Variants in KLHL29 observed in about 807,000 individuals in gnomAD.
The protein encoded by KLHL29 is kelch like family member 29.
KLHL29 carries 21 observed loss-of-function variants against 80.4 expected under a neutral mutation model. The observed-to-expected ratio is 0.26, with a 90% confidence interval of 0.19 to 0.38. The LOEUF is 0.38. Among genes scored for constraint, KLHL29 ranks in the 10% least tolerant of loss-of-function variants. KLHL29 has a pLI of 1.00. For synonymous variants in KLHL29, 511 were observed against 526.8 expected, an observed-to-expected ratio of 0.97 and a Z score of 0.41; for missense variants, 867 against 1,223.9, an observed-to-expected ratio of 0.71 and a Z score of 4.35.
In KLHL29 at chr2:23,703,310, G is replaced by A; in HGVS notation, c.2230G>A (p.Ala744Thr). ...VFGGVNEAGR[A>T]AGVLQSYVPQ... ...TGGTGGGGTGAACGAGGCAGGCCGA[G>A]CTGCCGGCGTCCTCCAGTCTTACGT... The change falls in exon 12 of 14, where the codon GCT becomes ACT. Residue 744 changes from alanine (A) to threonine (T), a missense_variant. Ala to Thr is a moderately conservative substitution (Grantham distance 58, BLOSUM62 0). This residue lies in a region of KLHL29 where 443 missense variants were observed against 767.0 expected (regional missense o/e 0.58). Transcript: ENST00000486442. 6.5e-7 allele frequency: 1 copy of A among 1,547,708 alleles called. No homozygotes were observed. The highest frequency in any genetic ancestry group is 8.7e-7 in the Non-Finnish European group (1 of 1,145,454).
At chr2:23,570,308 C>T (rs1049650264) in intron 3 of KLHL29, among the ~76,000 whole-genome samples, 1 of 152,188 alleles carries the variant, frequency 6.6e-6, no homozygotes, top group African/African-American at 2.4e-5. Context: ...CCTTCTGGCA[C>T]TGTGAAAAGG....
At chr2:23,451,683 C>G (rs1000818522) in intron 1 of KLHL29, among the ~76,000 whole-genome samples, 1 of 152,160 alleles carries the variant, frequency 6.6e-6, no homozygotes, top group East Asian at 1.9e-4. Flanking sequence ...GGATTTTGGA[C>G]GGGCACATTA....
At chr2:23,657,608 A>C (rs146674933) in intron 5 of KLHL29, among the ~76,000 whole-genome samples, 312 of 152,352 alleles carry the variant, frequency 2.0e-3, no homozygotes, top group African/African-American at 5.8e-3. Context: ...TGGAAGGAAG[A>C]TTAACCATGT....
At chr2:23,539,390 T>C (rs1666767577) in intron 2 of KLHL29, among the ~76,000 whole-genome samples, 1 of 150,492 alleles carries the variant, frequency 6.6e-6, no homozygotes, top group Non-Finnish European at 1.5e-5. Flanking sequence ...ACAATAATAA[T>C]CCTAGCAGAC....
chr2:23,545,433 G>A (rs901695882), intron 2 of KLHL29, among the ~76,000 whole-genome samples: 6 of 152,182 alleles, frequency 3.9e-5, no homozygotes, highest in Admixed American at 2.6e-4. Flanking sequence ...TCGGTGCTCC[G>A]TAAATGCTCC....
rs1471760044 is a variant in KLHL29 at position 23,701,807 on chromosome 2, T to C, written c.2106-1379T>C. On this transcript the variant is annotated intron_variant, in intron 11 of 13. Coordinates refer to ENST00000486442, the MANE Select transcript of KLHL29 (RefSeq NM_052920.2). Reference sequence around the variant, plus strand: ...GCTTTTTTTTGCTTTTTTTTTTTTTTTTTTTTTTTTTTCAGACGGAGTTTT... The same window carrying C: ...GCTTTTTTTTGCTTTTTTTTTTTTTCTTTTTTTTTTTTCAGACGGAGTTTT... Among the ~76,000 whole-genome samples the C allele has an allele frequency of 6.3e-5, 9 of 142,560 alleles. 1 individual carries two copies. The highest frequency in any genetic ancestry group is 4.8e-4 in the South Asian group (2 of 4,180). 93.5% of individuals were successfully genotyped at this position (142,560 alleles called of 152,430 possible). A position where few individuals can be genotyped will look rare whatever the true frequency, so the allele number is the denominator to read the frequency against.
intron 5 of KLHL29, among the ~76,000 whole-genome samples, chr2:23,656,972 A>G (rs751256157): frequency 2.0e-3 from 306 of 150,068 alleles, no homozygotes; most frequent in Non-Finnish European, 3.6e-3. Flanking sequence ...ACCATCATCC[A>G]TGCACATTCC....
intron 2 of KLHL29, among the ~76,000 whole-genome samples, chr2:23,479,302 G>A (rs182864388): frequency 7.9e-4 from 120 of 151,932 alleles, no homozygotes; most frequent in African/African-American, 2.6e-3. Flanking sequence ...GCCCTACACA[G>A]GCATCATTTG....
chr2:23,421,524 T>TTGTGTGTGTGTG (rs57348539), intron 1 of KLHL29, among the ~76,000 whole-genome samples: 2 of 143,514 alleles, frequency 1.4e-5, no homozygotes, highest in Admixed American at 1.4e-4. Flanking sequence ...TTAGACAAGA[T>TTGTGTGTGTGTG]TGTGTGTGTG....
At chr2:23,556,594 G>A (rs1572398851) in intron 2 of KLHL29, among the ~76,000 whole-genome samples, 7 of 151,668 alleles carry the variant, frequency 4.6e-5, no homozygotes, top group Admixed American at 2.6e-4. Context: ...TGGAGGTTGC[G>A]GTGAGCTGAG....
At chr2:23,612,881 TATAG>T (rs1162217342) in intron 3 of KLHL29, among the ~76,000 whole-genome samples, 1 of 152,126 alleles carries the variant, frequency 6.6e-6, no homozygotes, top group Non-Finnish European at 1.5e-5. Context: ...AAAATAAGGC[TATAG>T]ATAAATAAAT....
chr2:23,642,441 C>T lies in KLHL29; in HGVS notation c.531C>T (p.Asn177=), dbSNP rs570254134. The T allele has an allele frequency of 6.6e-5, 99 of 1,499,284 alleles. No individual in the cohort carries two copies. In the South Asian group the frequency reaches 1.2e-3, roughly 18 times the overall value. 92.9% of individuals were successfully genotyped at this position (1,499,284 alleles called of 1,614,324 possible). Residue 177 remains asparagine, a synonymous_variant, in exon 5 of 14, where the codon AAC becomes AAT. Coordinates refer to ENST00000486442, the MANE Select transcript of KLHL29 (RefSeq NM_052920.2). The part of the protein sequence containing the change: ...AQPPTFSPAV[N]VQAPVIGVTP... ...CTCCCACCTTCAGCCCGGCTGTGAA[C>T]GTCCAGGCCCCGGTCATTGGGGTGA... is the stretch of plus-strand genomic sequence containing the variant.
intron 1 of KLHL29, among the ~76,000 whole-genome samples, chr2:23,415,883 G>C (rs1460722777): frequency 6.6e-6 from 1 of 151,962 alleles, no homozygotes; most frequent in Admixed American, 6.5e-5. Flanking sequence ...TAATTTTTTT[G>C]TAAAAGATAG....
chr2:23,687,866 T>TG (rs997916198), intron 6 of KLHL29, among the ~76,000 whole-genome samples: 2 of 152,088 alleles, frequency 1.3e-5, no homozygotes, highest in Admixed American at 1.3e-4. Context: ...CACAGGAGCC[T>TG]GGGGGCGTTG....
At chr2:23,687,373 G>C (rs1479396245) in intron 6 of KLHL29, among the ~76,000 whole-genome samples, 1 of 152,204 alleles carries the variant, frequency 6.6e-6, no homozygotes, top group Non-Finnish European at 1.5e-5. Flanking sequence ...TCCAGCCCCA[G>C]GGAGGACAAT....
rs1401044935 is a variant in KLHL29 at position 23,696,896 on chromosome 2, G to A, written c.2105+383G>A. 1 of 180,776 alleles carries A rather than the reference G, an allele frequency of 5.5e-6. No homozygotes were observed. The highest frequency in any genetic ancestry group is 1.2e-5 in the Non-Finnish European group (1 of 86,022). 11.2% of individuals were successfully genotyped at this position (180,776 alleles called of 1,614,324 possible). On this transcript the variant is annotated intron_variant, in intron 11 of 13. Coordinates refer to ENST00000486442, the MANE Select transcript of KLHL29 (RefSeq NM_052920.2). This position sits in a 1 kb window ranked among gnomAD's most constrained non-coding sequence, Gnocchi z 5.5. Reference sequence around the variant, plus strand: ...GAGCACCAGCCCAGAGACTGCTGGGGTTTCGGGCAAAGCTGGAAGCAATGT... The same window carrying A: ...GAGCACCAGCCCAGAGACTGCTGGGATTTCGGGCAAAGCTGGAAGCAATGT...
Position 23,647,749 on chromosome 2 carries a change from A to G in KLHL29, c.940+4899A>G, listed in dbSNP as rs1416028554. ...CTGACTCGGTGCTTGCCACCACTTCATCCTTTGCTGTTCTGCTTGCAGGCT... is the reference window on the plus strand; with the variant it reads ...CTGACTCGGTGCTTGCCACCACTTCGTCCTTTGCTGTTCTGCTTGCAGGCT... On this transcript the variant is annotated intron_variant, in intron 5 of 13. Transcript: ENST00000486442. This position sits in a 1 kb window ranked among gnomAD's most constrained non-coding sequence, Gnocchi z 4.9. Among the ~76,000 whole-genome samples the G allele has an allele frequency of 3.3e-5, 5 of 151,826 alleles. No individual in the cohort carries two copies. Among genetic ancestry groups the G allele is most frequent in the Non-Finnish European group, 7.4e-5 (5 of 67,964 alleles).
At position 23,476,876 on chromosome 2, in the gene KLHL29, C is replaced by G. The variant is rs1664655825; in HGVS notation, c.-46+1209C>G. 3.3e-5 allele frequency among the ~76,000 whole-genome samples: 5 copies of G among 152,236 alleles called. No homozygotes were observed. The South Asian group carries it at 1.0e-3, about 31-fold the overall frequency. On this transcript the variant is annotated intron_variant, in intron 2 of 13. Coordinates refer to ENST00000486442, the MANE Select transcript of KLHL29 (RefSeq NM_052920.2). ...ATGAACAGAATCCGTGATCTGGGAT[C>G]TGCTTTAGCCCCCACCAGGCAGGCC...
At chr2:23,563,808 T>A (rs1034641912) in intron 3 of KLHL29, among the ~76,000 whole-genome samples, 12 of 152,302 alleles carry the variant, frequency 7.9e-5, no homozygotes, top group African/African-American at 2.9e-4. Context: ...CCTTATTGAT[T>A]TTATTTTCCT....
Sources: allele counts gnomAD v4.1 joint callset (sites outside exome capture counted in the v4.1 genomes callset), GRCh38; gene constraint gnomAD v4.1.1; regional missense constraint gnomAD v4.1.1; non-coding constraint Gnocchi (gnomAD v3.1); transcripts MANE v1.5; gene names NCBI Gene and HGNC (gene_info 2026-07-23, HGNC 2026-07-21).